The following CAMTA1 variants were observed in gnomAD, a reference collection of about 807,000 sequenced individuals.
CAMTA1 encodes the protein calmodulin binding transcription activator 1.
Under a neutral mutation model 170.9 loss-of-function variants are expected in CAMTA1, and 27 were observed. That is an observed-to-expected ratio of 0.16 (90% CI 0.12 to 0.22). CAMTA1 has a LOEUF of 0.22. Ranked by LOEUF, CAMTA1 falls within the 10% of genes least tolerant of loss-of-function variation. The probability of loss-of-function intolerance (pLI) is 1.00; values close to 1 mark genes in which losing one functional copy is unlikely to be tolerated. For missense variants in CAMTA1, 1,619 were observed against 2,217.2 expected (o/e 0.73, Z 5.42); for synonymous variants, 833 against 891.5 (o/e 0.93, Z 1.17).
intron 4 of CAMTA1, among the ~76,000 whole-genome samples, chr1:7,181,099 A>G (rs1048435823): frequency 7.8e-4 from 119 of 152,250 alleles, no homozygotes; most frequent in African/African-American, 2.7e-3. Context: ...TTGGTTCAAC[A>G]TGAGGAAATC....
intron 3 of CAMTA1, among the ~76,000 whole-genome samples, chr1:6,913,660 C>T (rs1571654414): frequency 6.6e-6 from 1 of 152,006 alleles, no homozygotes; most frequent in South Asian, 2.1e-4. Flanking sequence ...TGATTCAGCA[C>T]AAACTGTGCT....
intron 3 of CAMTA1, among the ~76,000 whole-genome samples, chr1:6,932,836 G>A (rs74318351): frequency 4.1e-4 from 63 of 151,958 alleles, no homozygotes; most frequent in African/African-American, 1.4e-3. Flanking sequence ...TAAAAAAGTC[G>A]GGCTGTGTTC....
chr1:6,997,862 A>G lies in CAMTA1; in HGVS notation c.235-93442A>G, dbSNP rs992755135. ...TTTTTAGTAGGGACGGGGTTTCACC[A>G]TGGCCAGGCTGGTCTTGAACTCCTG... On this transcript the variant is annotated intron_variant, in intron 3 of 22. Coordinates refer to ENST00000303635, the MANE Select transcript of CAMTA1 (RefSeq NM_015215.4). Among the ~76,000 whole-genome samples, 7 of 151,822 alleles carry G rather than the reference A, an allele frequency of 4.6e-5. No homozygotes were observed. The South Asian group carries it at 6.3e-4, about 14-fold the overall frequency.
chr1:7,624,908 A>G (rs927886490), intron 6 of CAMTA1, among the ~76,000 whole-genome samples: 9 of 152,218 alleles, frequency 5.9e-5, no homozygotes, highest in African/African-American at 2.2e-4. Context: ...GGAGGCTGGA[A>G]GGACAGTGTG....
intron 3 of CAMTA1, among the ~76,000 whole-genome samples, chr1:6,958,843 A>AT (rs1173790586): frequency 4.0e-5 from 6 of 151,338 alleles, no homozygotes; most frequent in Admixed American, 1.3e-4. Context: ...GAAAGTTTTT[A>AT]TTTTTTTTTA....
chr1:7,724,744 A>T (rs534548227), intron 11 of CAMTA1, among the ~76,000 whole-genome samples: 167 of 150,126 alleles, frequency 1.1e-3, no homozygotes, highest in African/African-American at 4.0e-3. Flanking sequence ...AATGGCATGA[A>T]CCCAGGAGGC....
chr1:6,990,805 C>CTCTCTA (rs1225500898), intron 3 of CAMTA1, among the ~76,000 whole-genome samples: 1 of 141,584 alleles, frequency 7.1e-6, no homozygotes, highest in Non-Finnish European at 1.5e-5. Flanking sequence ...CTCTCTCTCT[C>CTCTCTA]TATATATATA....
At chr1:7,411,133 G>C (rs556377641) in intron 5 of CAMTA1, among the ~76,000 whole-genome samples, 1 of 151,974 alleles carries the variant, frequency 6.6e-6, no homozygotes, top group East Asian at 1.9e-4. Context: ...ATCTTGCTCT[G>C]TTCCTCTGGA....
At position 7,456,591 on chromosome 1, in the gene CAMTA1, C is replaced by G. The variant is rs549153987; in HGVS notation, c.439-11239C>G. Among the ~76,000 whole-genome samples the G allele has an allele frequency of 6.6e-6, 1 of 152,168 alleles. No individual in the cohort carries two copies. The highest frequency in any genetic ancestry group is 1.5e-5 in the Non-Finnish European group (1 of 68,032). On this transcript the variant is annotated intron_variant, in intron 5 of 22. Transcript: ENST00000303635. This position sits in a 1 kb window ranked among gnomAD's most constrained non-coding sequence, Gnocchi z 4.9. ...GCAGAGCTCCTGCTGATGACAGGAC[C>G]GCAGATCCCAGCAGCCTGGCACACC...
At chr1:7,671,359 C>A (rs1204190102) in intron 10 of CAMTA1, among the ~76,000 whole-genome samples, 1 of 152,234 alleles carries the variant, frequency 6.6e-6, no homozygotes, top group African/African-American at 2.4e-5. Context: ...CCACCACCCT[C>A]AGCCCAAAGG....
At chr1:7,457,951 G>A (rs1387844044) in intron 5 of CAMTA1, among the ~76,000 whole-genome samples, 1 of 152,154 alleles carries the variant, frequency 6.6e-6, no homozygotes, top group Non-Finnish European at 1.5e-5. Flanking sequence ...GTCCCCCACG[G>A]CCAGAGGCCC....
At position 7,680,247 on chromosome 1, in the gene CAMTA1, G is replaced by C; in HGVS notation, c.2914+2514G>C. 4.2e-6 allele frequency: 1 copy of C among 240,756 alleles called. No homozygotes were observed. The highest frequency in any genetic ancestry group is 3.4e-5 in the South Asian group (1 of 29,366). The allele number at this position is 240,756 out of a possible 1,614,324, so 14.9% of individuals were successfully genotyped here. On this transcript the variant is annotated intron_variant, in intron 11 of 22. Transcript: ENST00000303635. The surrounding 1 kb of genome is among the most constrained non-coding windows in gnomAD (Gnocchi z 4.4). ...CTTCCGTTCCCCGCCTGTCCCTCCC[G>C]GCCCCTCCCCTCGGTCTCCGCAGCT... is the stretch of plus-strand genomic sequence containing the variant.
At chr1:7,638,748 T>C (rs890415028) in intron 6 of CAMTA1, among the ~76,000 whole-genome samples, 1 of 152,182 alleles carries the variant, frequency 6.6e-6, no homozygotes, top group African/African-American at 2.4e-5. Flanking sequence ...GGATTGCTTT[T>C]TCTTTAACAA....
Position 7,492,668 on chromosome 1 carries a change from A to AACACAC in CAMTA1, c.510+24775_510+24780dup, listed in dbSNP as rs70984088. On this transcript the variant is annotated intron_variant, in intron 6 of 22. Transcript: ENST00000303635. ...ACAATCACACAAACACAAACATACG[A>AACACAC]ACACACACACACAAACACAAACCTA... 9.7e-4 allele frequency among the ~76,000 whole-genome samples: 53 copies of AACACAC among 54,884 alleles called. 1 individual carries two copies. Among genetic ancestry groups the AACACAC allele is most frequent in the African/African-American group, 5.2e-3 (51 of 9,850 alleles). The allele number at this position is 54,884 out of a possible 152,430, so 36.0% of individuals were successfully genotyped here. A position where few individuals can be genotyped will look rare whatever the true frequency, so the allele number is the denominator to read the frequency against.
At position 7,618,940 on chromosome 1, in the gene CAMTA1, A is replaced by G. The variant is rs190048878; in HGVS notation, c.511-21460A>G. ...ATTCTTGTCTCTTATCCTGATCCCA[A>G]ATTAGACATAGGGAAGGGAAATAAG... On this transcript the variant is annotated intron_variant, in intron 6 of 22. Transcript: ENST00000303635. 3.3e-5 allele frequency among the ~76,000 whole-genome samples: 5 copies of G among 152,180 alleles called. No homozygotes were observed. The East Asian group carries it at 5.8e-4, about 18-fold the overall frequency.
intron 3 of CAMTA1, among the ~76,000 whole-genome samples, chr1:6,851,919 C>T (rs918933341): frequency 1.3e-5 from 2 of 150,912 alleles, no homozygotes; most frequent in African/African-American, 4.9e-5. Context: ...GAGGCTGAGG[C>T]ACGAGAATTG....
intron 11 of CAMTA1, among the ~76,000 whole-genome samples, chr1:7,690,809 A>T (rs2149402001): frequency 6.6e-6 from 1 of 152,346 alleles, no homozygotes; most frequent in African/African-American, 2.4e-5. Context: ...CACACACAGC[A>T]GTGCGACCCC....
Position 7,398,154 on chromosome 1 carries a change from G to GCTCTCT in CAMTA1, c.439-69641_439-69636dup, listed in dbSNP as rs371668581. ...TTCAGAAGTTAGATATAATAATATT[G>GCTCTCT]CTCTCTCTCTCTCTCTCTCTCTCTC... On this transcript the variant is annotated intron_variant, in intron 5 of 22. Coordinates refer to ENST00000303635, the MANE Select transcript of CAMTA1 (RefSeq NM_015215.4). Among the ~76,000 whole-genome samples the GCTCTCT allele has an allele frequency of 3.7e-3, 97 of 26,254 alleles. 9 individuals carry two copies. The highest frequency in any genetic ancestry group is 4.6e-3 in the Non-Finnish European group (58 of 12,478). 17.2% of individuals were successfully genotyped at this position (26,254 alleles called of 152,430 possible).
intron 5 of CAMTA1, among the ~76,000 whole-genome samples, chr1:7,270,438 G>A (rs1669627960): frequency 6.6e-6 from 1 of 151,632 alleles, no homozygotes; most frequent in Non-Finnish European, 1.5e-5. Flanking sequence ...GGGATTACAG[G>A]CACCCACCAC....
Sources: allele counts gnomAD v4.1 joint callset (sites outside exome capture counted in the v4.1 genomes callset), GRCh38; gene constraint gnomAD v4.1.1; non-coding constraint Gnocchi (gnomAD v3.1); transcripts MANE v1.5; gene names NCBI Gene and HGNC (gene_info 2026-07-23, HGNC 2026-07-21).